RFTN1: variants seen among roughly 807,000 people sequenced by gnomAD.
RFTN1 encodes raftlin, lipid raft linker 1.
A neutral mutation model predicts 46.5 loss-of-function variants in RFTN1; 26 were observed. The ratio of observed to expected loss-of-function variants is 0.56; its 90% confidence interval spans 0.41 to 0.78. The LOEUF is 0.78. Ranked by LOEUF, RFTN1 falls within the 30% of genes least tolerant of loss-of-function variation. RFTN1 has a pLI of 0.00. For missense variants in RFTN1, 693 were observed against 718.7 expected (o/e 0.96, Z 0.41); for synonymous variants, 261 against 284.2 (o/e 0.92, Z 0.82).
intron 1 of RFTN1, among the ~76,000 whole-genome samples, chr3:16,496,372 C>T (rs1329602417): frequency 3.3e-5 from 5 of 152,196 alleles, no homozygotes; most frequent in South Asian, 2.1e-4. Context: ...AATCAAAGAG[C>T]GCCTAACAAA....
Position 16,428,331 on chromosome 3 carries a change from G to A in RFTN1, c.332+5520C>T, listed in dbSNP as rs2125483950. Among the ~76,000 whole-genome samples the A allele has an allele frequency of 6.6e-6, 1 of 152,210 alleles. No homozygotes were observed. Among genetic ancestry groups the A allele is most frequent in the South Asian group, 2.1e-4 (1 of 4,822 alleles). On this transcript the variant is annotated intron_variant, in intron 3 of 9. Transcript: ENST00000334133. This position sits in a 1 kb window ranked among gnomAD's most constrained non-coding sequence, Gnocchi z 4.7. ...GAGTACTCACTATAAACCCAAACCA[G>A]CTTACCTCCCCTTGGGGTTCACTGT...
At chr3:16,391,893 TGTTTTTTTTAC>T (rs1559318047) in intron 4 of RFTN1, among the ~76,000 whole-genome samples, 1 of 27,982 alleles carries the variant, frequency 3.6e-5, no homozygotes, top group Non-Finnish European at 8.0e-5. Context: ...TTTTTTTTTT[TGTTTTTTTTAC>T]GGGGAAGAAA....
intron 2 of RFTN1, among the ~76,000 whole-genome samples, chr3:16,456,203 C>T (rs1365345954): frequency 6.6e-6 from 1 of 152,110 alleles, no homozygotes; most frequent in Non-Finnish European, 1.5e-5. Flanking sequence ...GGAATGCAGC[C>T]GGGTTCTAAT....
At chr3:16,445,921 G>GTT (rs77444396) in intron 2 of RFTN1, among the ~76,000 whole-genome samples, 3 of 145,244 alleles carry the variant, frequency 2.1e-5, no homozygotes, top group Non-Finnish European at 1.5e-5. Flanking sequence ...GTTCATTGAA[G>GTT]TTTTTTTTTT....
chr3:16,457,776 T>A lies in RFTN1; in HGVS notation c.146-23739A>T, dbSNP rs2075937310. 6.6e-6 allele frequency among the ~76,000 whole-genome samples: 1 copy of A among 152,176 alleles called. No homozygotes were observed. Among genetic ancestry groups the A allele is most frequent in the Non-Finnish European group, 1.5e-5 (1 of 68,034 alleles). Reference sequence around the variant, plus strand: ...CTTAATTCGATAGACATGGCTGTGGTCTGAATGTGTCTCCCCCAAATTTAT... The same window carrying A: ...CTTAATTCGATAGACATGGCTGTGGACTGAATGTGTCTCCCCCAAATTTAT... On this transcript the variant is annotated intron_variant, in intron 2 of 9. Coordinates refer to ENST00000334133, the MANE Select transcript of RFTN1 (RefSeq NM_015150.2). The surrounding 1 kb of genome is among the most constrained non-coding windows in gnomAD (Gnocchi z 4.2).
Position 16,351,322 on chromosome 3 carries a change from C to G in RFTN1, c.1146+6610G>C, listed in dbSNP as rs1189783527. ...GTCAGGAGCCTCCATACATATGAAG[C>G]CTTCAGGGAAGCCAAGGCTGGAAGA... On this transcript the variant is annotated intron_variant, in intron 7 of 9. Coordinates refer to ENST00000334133, the MANE Select transcript of RFTN1 (RefSeq NM_015150.2). This position sits in a 1 kb window ranked among gnomAD's most constrained non-coding sequence, Gnocchi z 5.4. 2.0e-5 allele frequency among the ~76,000 whole-genome samples: 3 copies of G among 152,174 alleles called. No individual in the cohort carries two copies. The highest frequency in any genetic ancestry group is 2.9e-5 in the Non-Finnish European group (2 of 68,036).
rs999156694 is a variant in RFTN1, at chr3:16,417,355, A to G, written c.333-7872T>C. 3.9e-5 allele frequency among the ~76,000 whole-genome samples: 6 copies of G among 152,236 alleles called. 1 individual carries two copies. Among genetic ancestry groups the G allele is most frequent in the Admixed American group, 1.3e-4 (2 of 15,298 alleles). ...CTCATTTCTTTAACACCTTATATCT[A>G]GAACTTGGGCCAAAACTGAATGTGA... On this transcript the variant is annotated intron_variant, in intron 3 of 9. Transcript: ENST00000334133.
chr3:16,358,054 A>G lies in RFTN1; in HGVS notation c.1031-7T>C, dbSNP rs764095433. On this transcript the variant is annotated splice_region_variant and splice_polypyrimidine_tract_variant and intron_variant, in intron 6 of 9. Transcript: ENST00000334133. ...GTCAAGCCATGTAAGGAATCTGTGGAAAAAGAAAAAGGCGGGGGTGGGGGG... is the reference window on the plus strand; with the variant it reads ...GTCAAGCCATGTAAGGAATCTGTGGGAAAAGAAAAAGGCGGGGGTGGGGGG... 1 of 1,534,608 alleles carries G rather than the reference A, an allele frequency of 6.5e-7. No individual in the cohort carries two copies. The highest frequency in any genetic ancestry group is 1.1e-5 in the South Asian group (1 of 89,292).
Position 16,446,597 on chromosome 3 carries a change from A to G in RFTN1, c.146-12560T>C, listed in dbSNP as rs1451306964. ...GCCACTGGGAAAATCAAAGGTTGAT[A>G]TGACAACAAAAGCAAAGGAAGAATG... On this transcript the variant is annotated intron_variant, in intron 2 of 9. Transcript: ENST00000334133. The surrounding 1 kb of genome is among the most constrained non-coding windows in gnomAD (Gnocchi z 4.5). Among the ~76,000 whole-genome samples, 1 of 152,206 alleles carries G rather than the reference A, an allele frequency of 6.6e-6. No homozygotes were observed.
At chr3:16,397,813 C>A (rs1041068145) in intron 4 of RFTN1, among the ~76,000 whole-genome samples, 3 of 151,918 alleles carry the variant, frequency 2.0e-5, no homozygotes, top group African/African-American at 7.3e-5. Context: ...TTCTTTCTTT[C>A]TCTCACCTTG....
At chr3:16,493,939 C>G (rs1481987174) in intron 1 of RFTN1, 62 bp from the exon 2 acceptor site, 1 of 1,583,210 alleles carries the variant, frequency 6.3e-7, no homozygotes, top group South Asian at 1.1e-5. Flanking sequence ...CTTTAAACAC[C>G]CTAGTATAAA....
rs1190308697 is a variant in RFTN1, at chr3:16,353,540, T to C, written c.1146+4392A>G. 6.6e-6 allele frequency among the ~76,000 whole-genome samples: 1 copy of C among 152,138 alleles called. No individual in the cohort carries two copies. The highest frequency in any genetic ancestry group is 1.5e-5 in the Non-Finnish European group (1 of 68,012). On this transcript the variant is annotated intron_variant, in intron 7 of 9. Coordinates refer to ENST00000334133, the MANE Select transcript of RFTN1 (RefSeq NM_015150.2). The surrounding 1 kb of genome is among the most constrained non-coding windows in gnomAD (Gnocchi z 5.4). ...CTTGAAAATGTTTTAGAAATGAAAA[T>C]TCTTGGGCCCCATCTCAGAGCCACC...
In RFTN1 at chr3:16,327,012, C is replaced by T; in HGVS notation, c.1147-136G>A. On this transcript the variant is annotated intron_variant, in intron 7 of 9. Transcript: ENST00000334133. This position sits in a 1 kb window ranked among gnomAD's most constrained non-coding sequence, Gnocchi z 4.2. ...GCCCGGCCACTCAGAGGCTCCTGCT[C>T]CGATGCTTGCTGAAGACTTTAAAAG... is the stretch of plus-strand genomic sequence containing the variant. The T allele has an allele frequency of 1.6e-6, 1 of 615,092 alleles. No individual in the cohort carries two copies. The highest frequency in any genetic ancestry group is 2.0e-5 in the South Asian group (1 of 50,342). The allele number at this position is 615,092 out of a possible 1,614,324, so 38.1% of individuals were successfully genotyped here.
At chr3:16,375,452 G>T (rs561122668) in intron 5 of RFTN1, among the ~76,000 whole-genome samples, 1 of 152,158 alleles carries the variant, frequency 6.6e-6, no homozygotes, top group Non-Finnish European at 1.5e-5. Context: ...TAAAGCTGTT[G>T]TGAGGAGTTA....
intron 3 of RFTN1, among the ~76,000 whole-genome samples, chr3:16,412,709 G>A (rs2075000882): frequency 6.6e-6 from 1 of 152,240 alleles, no homozygotes; most frequent in Non-Finnish European, 1.5e-5. Flanking sequence ...TAAAGGTGAT[G>A]GATGTCACTC....
chr3:16,359,936 A>C (rs114513593), intron 6 of RFTN1, among the ~76,000 whole-genome samples: 1,641 of 152,288 alleles, frequency 0.011, 37 homozygotes, highest in African/African-American at 0.038. Flanking sequence ...ACAAATGTGA[A>C]TATATAACAA....
chr3:16,487,408 G>C (rs1164873918), intron 2 of RFTN1, among the ~76,000 whole-genome samples: 2 of 152,232 alleles, frequency 1.3e-5, no homozygotes, highest in Non-Finnish European at 2.9e-5. Flanking sequence ...AAACAGACTA[G>C]AACAGTGTTA....
Position 16,424,943 on chromosome 3 carries a change from A to C in RFTN1, c.332+8908T>G, listed in dbSNP as rs370481820. 6.4e-5 allele frequency among the ~76,000 whole-genome samples: 8 copies of C among 125,784 alleles called. No homozygotes were observed. The highest frequency in any genetic ancestry group is 2.1e-4 in the East Asian group (1 of 4,870). 82.5% of individuals were successfully genotyped at this position (125,784 alleles called of 152,430 possible). A position where few individuals can be genotyped will look rare whatever the true frequency, so the allele number is the denominator to read the frequency against. On this transcript the variant is annotated intron_variant, in intron 3 of 9. Transcript: ENST00000334133. This position sits in a 1 kb window ranked among gnomAD's most constrained non-coding sequence, Gnocchi z 4.7. Reference sequence around the variant, plus strand: ...TCTTTTTCAGCTTGAAAAACACACAAAAAAAATCTAAGTTACTTCTGATTG... The same window carrying C: ...TCTTTTTCAGCTTGAAAAACACACACAAAAAATCTAAGTTACTTCTGATTG...
In RFTN1 at chr3:16,370,943, A is replaced by T. The variant is rs2073472984; in HGVS notation, c.827-664T>A. The T allele has an allele frequency of 6.6e-6, 1 of 152,438 alleles. No homozygotes were observed. 9.4% of individuals were successfully genotyped at this position (152,438 alleles called of 1,614,324 possible). ...CTTTTGGTTCCTTCATTTATAGCTC[A>T]GTTCTTCAGCAATCAATAATCACTG... On this transcript the variant is annotated intron_variant, in intron 5 of 9. Transcript: ENST00000334133. The surrounding 1 kb of genome is among the most constrained non-coding windows in gnomAD (Gnocchi z 5.5).
Sources: allele counts gnomAD v4.1 joint callset (sites outside exome capture counted in the v4.1 genomes callset), GRCh38; gene constraint gnomAD v4.1.1; non-coding constraint Gnocchi (gnomAD v3.1); transcripts MANE v1.5; gene names NCBI Gene and HGNC (gene_info 2026-07-23, HGNC 2026-07-21).